MAGI2: variants seen among roughly 807,000 people sequenced by gnomAD.
MAGI2 encodes membrane-associated guanylate kinase, WW and PDZ domain-containing protein 2.
In MAGI2, 35 loss-of-function variants were observed where a neutral mutation model predicts 133.3. That is an observed-to-expected ratio of 0.26 (90% CI 0.20 to 0.35). The LOEUF (loss-of-function observed/expected upper bound fraction) is 0.35. Ranked by LOEUF, MAGI2 falls within the 10% of genes least tolerant of loss-of-function variation. The pLI is 1.00. For synonymous variants in MAGI2, 729 were observed against 710.6 expected (o/e 1.03, Z -0.41); for missense variants, 1,636 against 1,863.4 (o/e 0.88, Z 2.25).
intron 2 of MAGI2, among the ~76,000 whole-genome samples, chr7:78,747,077 G>T (rs1294624841): frequency 6.6e-6 from 1 of 152,140 alleles, no homozygotes; most frequent in Non-Finnish European, 1.5e-5. Flanking sequence ...CAGCCAGCCA[G>T]GTCAGCGCCA....
At chr7:79,413,066 C>T (rs1348261891) in intron 1 of MAGI2, 2 of 152,124 alleles carry the variant, frequency 1.3e-5, no homozygotes, top group African/African-American at 4.8e-5. Context: ...CATAGTGCTG[C>T]CTATTGTCAA....
At chr7:78,056,523 T>C (rs1236932680) in intron 21 of MAGI2, among the ~76,000 whole-genome samples, 1 of 152,160 alleles carries the variant, frequency 6.6e-6, no homozygotes, top group African/African-American at 2.4e-5. Context: ...TGCAGAAACA[T>C]GGTTGGAGCT....
intron 2 of MAGI2, among the ~76,000 whole-genome samples, chr7:78,930,960 C>T (rs185053640): frequency 1.3e-5 from 2 of 152,136 alleles, no homozygotes; most frequent in East Asian, 3.9e-4. Flanking sequence ...CACTGCGAAA[C>T]GAATTTCTAT....
chr7:78,248,201 A>G (rs936899350), intron 10 of MAGI2, among the ~76,000 whole-genome samples: 2 of 152,202 alleles, frequency 1.3e-5, no homozygotes, highest in African/African-American at 4.8e-5. Flanking sequence ...TTTCCTGAAC[A>G]AGCAAAAGTT....
At chr7:78,070,174 CATATATAT>C (rs57714371) in intron 21 of MAGI2, among the ~76,000 whole-genome samples, 3,412 of 55,966 alleles carry the variant, frequency 0.061, 87 homozygotes, top group Admixed American at 0.11. Flanking sequence ...CACACACACA[CATATATAT>C]ATATATATAT....
At chr7:79,105,544 T>G (rs998435618) in intron 1 of MAGI2, among the ~76,000 whole-genome samples, 1 of 152,186 alleles carries the variant, frequency 6.6e-6, no homozygotes. Flanking sequence ...TGAGTATCTA[T>G]AGAAGCACAA....
chr7:78,180,167 AC>A (rs745595523), intron 13 of MAGI2, among the ~76,000 whole-genome samples: 2 of 152,338 alleles, frequency 1.3e-5, no homozygotes, highest in Non-Finnish European at 2.9e-5. Context: ...TGTATTTGTG[AC>A]ACTTAAAATG....
chr7:79,375,292 T>C (rs1024211113), intron 1 of MAGI2, among the ~76,000 whole-genome samples: 3 of 151,964 alleles, frequency 2.0e-5, no homozygotes, highest in East Asian at 3.9e-4. Context: ...CTCTAGATTG[T>C]GCATTCAGCA....
intron 3 of MAGI2, chr7:78,568,179 A>G (rs1276651539): frequency 6.6e-6 from 1 of 152,184 alleles, no homozygotes; most frequent in East Asian, 1.9e-4. Context: ...AAATGTTTAA[A>G]TCTGAGGATT....
At chr7:78,596,205 A>G (rs1563219712) in intron 3 of MAGI2, among the ~76,000 whole-genome samples, 1 of 106,684 alleles carries the variant, frequency 9.4e-6, no homozygotes, top group Non-Finnish European at 2.1e-5. Context: ...GGAGGGAAGG[A>G]ATGAAGGAAG....
intron 1 of MAGI2, among the ~76,000 whole-genome samples, chr7:79,151,442 C>T (rs1008196179): frequency 6.6e-5 from 10 of 152,088 alleles, no homozygotes; most frequent in African/African-American, 1.7e-4. Context: ...ACGAAAGCTC[C>T]TTATTCTTCA....
chr7:78,770,209 T>C (rs1825441189), intron 2 of MAGI2, among the ~76,000 whole-genome samples: 1 of 152,236 alleles, frequency 6.6e-6, no homozygotes, highest in South Asian at 2.1e-4. Context: ...CACACATCTG[T>C]ACCCACTGGT....
intron 2 of MAGI2, among the ~76,000 whole-genome samples, chr7:78,935,248 T>C (rs554213291): frequency 3.3e-4 from 50 of 152,294 alleles, no homozygotes; most frequent in South Asian, 2.1e-3. Context: ...AAATAGTCTT[T>C]TTTTATTCAA....
chr7:79,028,271 ATGTATGTATATATATATATATGTGTG>A (rs1810168675), intron 1 of MAGI2, among the ~76,000 whole-genome samples: 1 of 32,124 alleles, frequency 3.1e-5, no homozygotes, highest in African/African-American at 9.1e-5. Flanking sequence ...ATATATATGT[ATGTATGTATATATATATATATGTGTG>A]TATATATATA....
At chr7:79,393,593 A>T (rs1252128714) in intron 1 of MAGI2, among the ~76,000 whole-genome samples, 1 of 152,192 alleles carries the variant, frequency 6.6e-6, no homozygotes, top group East Asian at 1.9e-4. Context: ...CTTCATTAAC[A>T]CTTATTTCAG....
intron 6 of MAGI2, among the ~76,000 whole-genome samples, chr7:78,424,056 G>A (rs932994402): frequency 2.6e-5 from 4 of 152,192 alleles, no homozygotes; most frequent in Non-Finnish European, 5.9e-5. Context: ...AATGTCTCCA[G>A]GGCATGTCAG....
At position 78,135,121 on chromosome 7, in the gene MAGI2, T is replaced by C. The variant is rs768575646; in HGVS notation, c.2931A>G (p.Ala977=). Residue 977 remains alanine (A), a synonymous_variant, in exon 17 of 22, where the codon GCA becomes GCG. Transcript: ENST00000354212. ...TGTTGATGATAGACTGGCCATTCAC[T>C]GCTAGGATCCGGTCTCCCACTTTTA... ...AKLKVGDRIL[A]VNGQSIINMP... is the part of the protein sequence containing the mutation. The C allele has an allele frequency of 6.2e-7, 1 of 1,614,116 alleles. No individual in the cohort carries two copies. The highest frequency in any genetic ancestry group is 8.5e-7 in the Non-Finnish European group (1 of 1,179,990).
chr7:78,961,072 C>T (rs750329706), intron 2 of MAGI2, among the ~76,000 whole-genome samples: 4 of 152,064 alleles, frequency 2.6e-5, no homozygotes, highest in African/African-American at 9.7e-5. Flanking sequence ...CAGGCCTTAG[C>T]TCTTGGAATT....
chr7:78,900,764 G>C (rs1010313876), intron 2 of MAGI2, among the ~76,000 whole-genome samples: 4 of 151,980 alleles, frequency 2.6e-5, no homozygotes, highest in African/African-American at 9.7e-5. Flanking sequence ...CATGGAACTT[G>C]AGCTGTATGA....
Sources: allele counts gnomAD v4.1 joint callset (sites outside exome capture counted in the v4.1 genomes callset), GRCh38; gene constraint gnomAD v4.1.1; transcripts MANE v1.5; gene names NCBI Gene and HGNC (gene_info 2026-07-23, HGNC 2026-07-21).